CDC27: variants seen among roughly 807,000 people sequenced by gnomAD.
CDC27 encodes the protein cell division cycle 27, also known as cell division cycle protein 27 homolog.
A neutral mutation model predicts 109.7 loss-of-function variants in CDC27; 27 were observed. The observed-to-expected ratio is 0.25, with a 90% confidence interval of 0.18 to 0.34. CDC27 has a LOEUF of 0.34. Among genes scored for constraint, CDC27 ranks in the 10% least tolerant of loss-of-function variants. The pLI is 1.00. For synonymous variants in CDC27, 266 were observed against 333.9 expected, an observed-to-expected ratio of 0.80 and a Z score of 2.22; for missense variants, 579 against 960.2, an observed-to-expected ratio of 0.60 and a Z score of 5.25.
Position 47,122,471 on chromosome 17 carries a change from C to T in CDC27, c.2365G>A (p.Glu789Lys). 1 of 1,606,914 alleles carries T rather than the reference C, an allele frequency of 6.2e-7. No individual in the cohort carries two copies. Among genetic ancestry groups the T allele is most frequent in the South Asian group, 1.1e-5 (1 of 89,798 alleles). ...ATCTGTTCTTCTTGGGTTATTGGCT[C>T]CTCATCATCTGGAAGATAACGCTTA... is the stretch of plus-strand genomic sequence containing the variant. ...IDKRYLPDDE[E>K]PITQEEQIMG... The change falls in exon 18 of 19, where the codon GAG becomes AAG. Residue 789 changes from glutamate to lysine, a missense_variant. Physicochemically the swap from Glu to Lys is moderately conservative, Grantham distance 56. Around this residue, in one of 9 missense-constraint regions of CDC27, gnomAD observed 227 missense variants for 363.6 expected, o/e 0.62. Transcript: ENST00000066544.
chr17:47,169,604 C>T (rs182287651), intron 4 of CDC27, among the ~76,000 whole-genome samples: 1 of 147,460 alleles, frequency 6.8e-6, no homozygotes, highest in Non-Finnish European at 1.5e-5. Context: ...GAGATCACAC[C>T]ATTGCACTCC....
At chr17:47,130,745 C>T (rs1188386530) in intron 15 of CDC27, among the ~76,000 whole-genome samples, 4 of 151,858 alleles carry the variant, frequency 2.6e-5, no homozygotes, top group South Asian at 2.1e-4. Context: ...GGCGTGGTGT[C>T]GGGCACCTGT....
intron 4 of CDC27, chr17:47,159,574 G>C (rs114543601): frequency 7.6e-4 from 366 of 479,588 alleles, no homozygotes; most frequent in African/African-American, 6.6e-3. Context: ...AGTAGCCTCT[G>C]CGCACGGGGA....
chr17:47,144,906 A>G (rs747618797), intron 9 of CDC27, among the ~76,000 whole-genome samples: 3 of 142,638 alleles, frequency 2.1e-5, no homozygotes, highest in Non-Finnish European at 4.8e-5. Flanking sequence ...AATCCTTTTA[A>G]TCTGCATCTG....
At chr17:47,157,616 T>A (rs534224251) in intron 5 of CDC27, among the ~76,000 whole-genome samples, 1 of 152,292 alleles carries the variant, frequency 6.6e-6, no homozygotes, top group African/African-American at 2.4e-5. Context: ...AACACTAATT[T>A]TAAACATAAC....
rs1050376620 is a variant in CDC27, at chr17:47,182,907, T to A, written c.28-1270A>T. Among the ~76,000 whole-genome samples, 6 of 152,198 alleles carry A rather than the reference T, an allele frequency of 3.9e-5. No individual in the cohort carries two copies. In the South Asian group the frequency reaches 1.0e-3, roughly 26 times the overall value. On this transcript the variant is annotated intron_variant, in intron 1 of 18. Coordinates refer to ENST00000066544, the MANE Select transcript of CDC27 (RefSeq NM_001256.6). ...CTATCACGGTGGTGTGAGCCTTTAG[T>A]CCCAGCGACTCAGAAGGCTGAGCTG...
Position 47,158,344 on chromosome 17 carries a change from C to G in CDC27, c.378-41G>C, listed in dbSNP as rs766564213. 1.7e-5 allele frequency: 17 copies of G among 1,026,058 alleles called. No individual in the cohort carries two copies. In the East Asian group the frequency reaches 4.8e-4, roughly 29 times the overall value. 63.6% of individuals were successfully genotyped at this position (1,026,058 alleles called of 1,614,324 possible). A position where few individuals can be genotyped will look rare whatever the true frequency, so the allele number is the denominator to read the frequency against. On this transcript the variant is annotated intron_variant, in intron 4 of 18. Transcript: ENST00000066544. ...AGTAGATTAAATAAGCTACAAACCC[C>G]AAAACCTGTATCATAAACTTTTAGT...
chr17:47,148,828 T>G (rs944588562), intron 9 of CDC27, among the ~76,000 whole-genome samples: 11 of 151,936 alleles, frequency 7.2e-5, no homozygotes, highest in Non-Finnish European at 1.5e-4. Context: ...GCCTGTAATC[T>G]CAGCACTTTG....
At chr17:47,163,299 T>C (rs892419889) in intron 4 of CDC27, among the ~76,000 whole-genome samples, 4 of 152,218 alleles carry the variant, frequency 2.6e-5, no homozygotes, top group African/African-American at 9.6e-5. Context: ...TGTATGTATC[T>C]AGATTACTAG....
chr17:47,157,621 C>A (rs1251503199), intron 5 of CDC27, among the ~76,000 whole-genome samples: 1 of 152,066 alleles, frequency 6.6e-6, no homozygotes, highest in Non-Finnish European at 1.5e-5. Flanking sequence ...TAATTTTAAA[C>A]ATAACAAATC....
chr17:47,171,105 A>C (rs2063799031), intron 3 of CDC27: 1 of 152,266 alleles, frequency 6.6e-6, no homozygotes, highest in Admixed American at 6.5e-5. Flanking sequence ...CTCTAAAAAA[A>C]GGAAAAAAGA....
At chr17:47,185,285 T>C (rs1251221374) in intron 1 of CDC27, among the ~76,000 whole-genome samples, 1 of 152,010 alleles carries the variant, frequency 6.6e-6, no homozygotes, top group Admixed American at 6.6e-5. Context: ...TTCACGCCAT[T>C]CTCCTGCCTC....
chr17:47,136,698 T>C (rs1482133227), intron 14 of CDC27, among the ~76,000 whole-genome samples: 1 of 152,208 alleles, frequency 6.6e-6, no homozygotes, highest in African/African-American at 2.4e-5. Flanking sequence ...AAGTTCTTAA[T>C]AGTAACTCAA....
chr17:47,133,106 C>CATATAT lies in CDC27; in HGVS notation c.1914-738_1914-733dup, dbSNP rs55717332. Among the ~76,000 whole-genome samples the CATATAT allele has an allele frequency of 2.3e-3, 230 of 98,000 alleles. 5 individuals are homozygous for CATATAT. In the East Asian group the frequency reaches 0.037, roughly 16 times the overall value. 64.3% of individuals were successfully genotyped at this position (98,000 alleles called of 152,430 possible). A position where few individuals can be genotyped will look rare whatever the true frequency, so the allele number is the denominator to read the frequency against. ...ACACAAACACACACACACAAATATA[C>CATATAT]ATATATATATATATATATATATATA... On this transcript the variant is annotated intron_variant, in intron 14 of 18. Transcript: ENST00000066544.
At chr17:47,184,767 G>C (rs73319513) in intron 1 of CDC27, among the ~76,000 whole-genome samples, 2,763 of 152,212 alleles carry the variant, frequency 0.018, 79 homozygotes, top group African/African-American at 0.064. Flanking sequence ...TGCCGGGATT[G>C]GGGGGAAGAA....
chr17:47,159,171 A>C, intron 4 of CDC27: 1 of 394,054 alleles, frequency 2.5e-6, no homozygotes, highest in Non-Finnish European at 4.6e-6. Flanking sequence ...AATTCACTTT[A>C]TTTTTCTTGT....
At chr17:47,157,475 A>G in intron 5 of CDC27, 91 bp from the exon 6 acceptor site, 2 of 940,984 alleles carry the variant, frequency 2.1e-6, no homozygotes, top group South Asian at 1.8e-5. Context: ...AACAGGAAAT[A>G]GGCCTTATCC....
chr17:47,122,023 C>G (rs887791638), intron 18 of CDC27, among the ~76,000 whole-genome samples: 4 of 152,156 alleles, frequency 2.6e-5, no homozygotes, highest in African/African-American at 9.7e-5. Context: ...CAGGCCTGAG[C>G]CACTGCGACT....
chr17:47,120,815 A>T lies in CDC27; in HGVS notation c.*120T>A. 4.4e-6 allele frequency: 3 copies of T among 686,768 alleles called. No homozygotes were observed. The highest frequency in any genetic ancestry group is 7.8e-6 in the Non-Finnish European group (3 of 386,846). The allele number at this position is 686,768 out of a possible 1,614,324, so 42.5% of individuals were successfully genotyped here. On this transcript the variant is annotated 3_prime_UTR_variant, in exon 19 of 19. Transcript: ENST00000066544. ...AGGGTCCAATGAAAGTGGCACACTCATGGTATAAGTGACGGACGATGACAC... is the reference window on the plus strand; with the variant it reads ...AGGGTCCAATGAAAGTGGCACACTCTTGGTATAAGTGACGGACGATGACAC...
Sources: gnomAD v4.1 joint callset for allele counts (sites outside exome capture counted in the v4.1 genomes callset) on GRCh38, gnomAD v4.1.1 for gene constraint, gnomAD v4.1.1 regional missense constraint, MANE v1.5 for transcripts, NCBI Gene and HGNC (gene_info 2026-07-23, HGNC 2026-07-21) for gene names.